Variants in CDH13 observed in about 807,000 individuals in gnomAD.
The protein encoded by CDH13 is cadherin-13.
CDH13 carries 24 observed loss-of-function variants against 63.8 expected under a neutral mutation model. That is an observed-to-expected ratio of 0.38 (90% confidence interval 0.27 to 0.53). The LOEUF (loss-of-function observed/expected upper bound fraction) is 0.53, where lower values mean the gene tolerates loss of function less well. CDH13 is among the 20% of genes least tolerant of loss of function. The pLI, the probability that CDH13 is intolerant of heterozygous loss-of-function variation, is 0.85. For synonymous variants in CDH13, 503 were observed against 355.3 expected (o/e 1.42, Z -4.67); for missense variants, 1,049 against 903.1 (o/e 1.16, Z -2.07).
At chr16:83,744,941 C>T (rs1890786112) in intron 10 of CDH13, among the ~76,000 whole-genome samples, 1 of 152,192 alleles carries the variant, frequency 6.6e-6, no homozygotes, top group Non-Finnish European at 1.5e-5. Context: ...TGACAGCAGG[C>T]CTTGGCACCA....
chr16:83,383,440 C>T (rs977485013), intron 6 of CDH13, among the ~76,000 whole-genome samples: 2 of 152,138 alleles, frequency 1.3e-5, no homozygotes, highest in East Asian at 3.9e-4. Context: ...ACTCACAAGC[C>T]TTGACTCACC....
intron 8 of CDH13, among the ~76,000 whole-genome samples, chr16:83,648,146 C>T (rs1435500446): frequency 6.6e-6 from 1 of 152,146 alleles, no homozygotes; most frequent in African/African-American, 2.4e-5. Flanking sequence ...AAAGCCATAC[C>T]TTGGAAGGAC....
At chr16:83,426,241 C>A (rs1348362337) in intron 6 of CDH13, among the ~76,000 whole-genome samples, 1 of 152,130 alleles carries the variant, frequency 6.6e-6, no homozygotes, top group Non-Finnish European at 1.5e-5. Flanking sequence ...TTCTAGGGCT[C>A]TGGATTCTGG....
intron 7 of CDH13, among the ~76,000 whole-genome samples, chr16:83,579,428 A>AG (rs1223489698): frequency 6.6e-6 from 1 of 152,194 alleles, no homozygotes; most frequent in African/African-American, 2.4e-5. Context: ...TTATGGCAGA[A>AG]GGTGAAGGGG....
At chr16:83,700,121 C>T (rs146532703) in intron 10 of CDH13, among the ~76,000 whole-genome samples, 272 of 152,322 alleles carry the variant, frequency 1.8e-3, no homozygotes, top group Non-Finnish European at 2.9e-3. Flanking sequence ...CACTGATCTG[C>T]CTTCTGTCAT....
chr16:82,680,700 A>G (rs934331955), intron 1 of CDH13, among the ~76,000 whole-genome samples: 11 of 152,268 alleles, frequency 7.2e-5, no homozygotes, highest in Admixed American at 2.0e-4. Flanking sequence ...ACTTACAAAA[A>G]TGTTGGAAGA....
chr16:83,732,096 G>A (rs973793135), intron 10 of CDH13, among the ~76,000 whole-genome samples: 2 of 152,204 alleles, frequency 1.3e-5, no homozygotes, highest in African/African-American at 4.8e-5. Context: ...CTAGCCCTGA[G>A]GATAGCAGTG....
chr16:83,227,464 G>A (rs899639271), intron 5 of CDH13, among the ~76,000 whole-genome samples: 2 of 152,164 alleles, frequency 1.3e-5, no homozygotes, highest in Non-Finnish European at 2.9e-5. Flanking sequence ...TGTGGAGCAG[G>A]TTGGAAGCTG....
intron 4 of CDH13, among the ~76,000 whole-genome samples, chr16:83,191,311 G>T (rs2151755009): frequency 6.8e-6 from 1 of 147,432 alleles, no homozygotes; most frequent in East Asian, 2.0e-4. Flanking sequence ...GCATGCTTAT[G>T]GGAACATGGT....
At chr16:82,822,246 G>T (rs1218922569) in intron 1 of CDH13, among the ~76,000 whole-genome samples, 1 of 152,136 alleles carries the variant, frequency 6.6e-6, no homozygotes, top group Non-Finnish European at 1.5e-5. Flanking sequence ...AAAGAACACA[G>T]GTTGAATAAA....
chr16:83,199,403 G>A (rs532263262), intron 4 of CDH13, among the ~76,000 whole-genome samples: 2 of 152,324 alleles, frequency 1.3e-5, no homozygotes, highest in African/African-American at 2.4e-5. Context: ...TGATCTGGAT[G>A]ATTTCAGAGT....
At chr16:83,774,564 G>T (rs1767038536) in intron 11 of CDH13, among the ~76,000 whole-genome samples, 1 of 152,170 alleles carries the variant, frequency 6.6e-6, no homozygotes, top group Non-Finnish European at 1.5e-5. Context: ...AGTAGAGACA[G>T]GGTTTCGCCA....
intron 5 of CDH13, among the ~76,000 whole-genome samples, chr16:83,297,056 A>T (rs1042321588): frequency 6.6e-6 from 1 of 152,190 alleles, no homozygotes; most frequent in South Asian, 2.1e-4. Flanking sequence ...AAGGCTGTGG[A>T]TCTATTTTCA....
At chr16:82,916,341 C>T (rs1382143160) in intron 2 of CDH13, among the ~76,000 whole-genome samples, 2 of 151,988 alleles carry the variant, frequency 1.3e-5, no homozygotes, top group Non-Finnish European at 2.9e-5. Flanking sequence ...TTTGGGAGGC[C>T]GAAGCGAGTG....
At chr16:83,305,023 C>G (rs2151879990) in intron 5 of CDH13, among the ~76,000 whole-genome samples, 1 of 152,348 alleles carries the variant, frequency 6.6e-6, no homozygotes, top group East Asian at 1.9e-4. Context: ...GCATTCCCCA[C>G]AGACCGGGAA....
intron 6 of CDH13, among the ~76,000 whole-genome samples, chr16:83,447,096 CTTTTTTTTTT>C (rs750432481): frequency 9.2e-4 from 38 of 41,518 alleles, no homozygotes; most frequent in African/African-American, 2.5e-3. Flanking sequence ...TTATAGTAAC[CTTTTTTTTTT>C]TTTTTTTTTT....
chr16:83,666,994 G>T lies in CDH13; in HGVS notation c.1102-3796G>T, dbSNP rs1598438513. ...TTGTTTAGTGGTGTAACCCTGGATG[G>T]ATGGATGGATGGATGGATGGATGGA... On this transcript the variant is annotated intron_variant, in intron 8 of 13. Coordinates refer to ENST00000567109, the MANE Select transcript of CDH13 (RefSeq NM_001257.5). 8.8e-5 allele frequency among the ~76,000 whole-genome samples: 10 copies of T among 113,066 alleles called. 1 individual carries two copies. The South Asian group carries it at 2.8e-3, about 32-fold the overall frequency. 74.2% of individuals were successfully genotyped at this position (113,066 alleles called of 152,430 possible).
chr16:83,672,784 C>A (rs145791645), intron 9 of CDH13, among the ~76,000 whole-genome samples: 9 of 152,208 alleles, frequency 5.9e-5, no homozygotes, highest in African/African-American at 2.2e-4. Context: ...TTTGGGGAGG[C>A]CTGAGCTCCA....
At chr16:82,860,397 G>GGA (rs2039894718) in intron 2 of CDH13, among the ~76,000 whole-genome samples, 15 of 130,894 alleles carry the variant, frequency 1.1e-4, no homozygotes, top group African/African-American at 3.4e-4. Flanking sequence ...GTGGGGGGGG[G>GGA]GGCGGCGGTG....
Sources: allele counts gnomAD v4.1 joint callset (sites outside exome capture counted in the v4.1 genomes callset), GRCh38; gene constraint gnomAD v4.1.1; transcripts MANE v1.5; gene names NCBI Gene and HGNC (gene_info 2026-07-23, HGNC 2026-07-21).